OSBPL11: variants seen among roughly 807,000 people sequenced by gnomAD.
OSBPL11 encodes oxysterol binding protein like 11.
A neutral mutation model predicts 84.4 loss-of-function variants in OSBPL11; 33 were observed. The observed-to-expected ratio is 0.39, with a 90% CI of 0.30 to 0.52. The LOEUF is 0.52. OSBPL11 is among the 20% of genes least tolerant of loss of function. The pLI is 0.72. For missense variants in OSBPL11, 736 were observed against 901.1 expected (o/e 0.82, Z 2.35); for synonymous variants, 276 against 310.2 (o/e 0.89, Z 1.16).
chr3:125,550,942 T>C (rs569586122), intron 9 of OSBPL11, among the ~76,000 whole-genome samples: 3 of 152,208 alleles, frequency 2.0e-5, no homozygotes, highest in South Asian at 2.1e-4. Context: ...AAAGGATCAC[T>C]TGAGCCCAGG....
chr3:125,589,832 T>C (rs1308178251), intron 1 of OSBPL11, among the ~76,000 whole-genome samples: 1 of 152,200 alleles, frequency 6.6e-6, no homozygotes, highest in Admixed American at 6.5e-5. Context: ...TACTACACAT[T>C]TGCAGACTTT....
chr3:125,545,835 T>C (rs1935804023), intron 10 of OSBPL11, among the ~76,000 whole-genome samples: 1 of 152,128 alleles, frequency 6.6e-6, no homozygotes, highest in Non-Finnish European at 1.5e-5. Context: ...GAATATAATA[T>C]ATTTATAACA....
intron 9 of OSBPL11, among the ~76,000 whole-genome samples, chr3:125,548,776 G>A (rs1935856820): frequency 6.6e-6 from 1 of 151,930 alleles, no homozygotes; most frequent in Non-Finnish European, 1.5e-5. Flanking sequence ...TCACAAATAA[G>A]GGCAAGTATA....
chr3:125,557,660 G>C (rs1450051015), intron 8 of OSBPL11, among the ~76,000 whole-genome samples: 1 of 151,686 alleles, frequency 6.6e-6, no homozygotes, highest in Non-Finnish European at 1.5e-5. Flanking sequence ...TTATAGGTGT[G>C]AGCCATGGCA....
At chr3:125,547,797 G>T (rs1935841727) in intron 9 of OSBPL11, among the ~76,000 whole-genome samples, 1 of 152,120 alleles carries the variant, frequency 6.6e-6, no homozygotes, top group African/African-American at 2.4e-5. Flanking sequence ...ACTATGACAT[G>T]ACCTTTCCAT....
At chr3:125,593,911 GTTCT>G (rs897621481) in intron 1 of OSBPL11, among the ~76,000 whole-genome samples, 9 of 151,984 alleles carry the variant, frequency 5.9e-5, no homozygotes, top group African/African-American at 1.9e-4. Flanking sequence ...GTTCTGGATA[GTTCT>G]TTCTCCCTAC....
intron 1 of OSBPL11, 39 bp from the exon 2 acceptor site, chr3:125,583,017 G>A (rs1276127520): frequency 4.2e-6 from 6 of 1,437,464 alleles, no homozygotes; most frequent in Non-Finnish European, 5.7e-6. Context: ...GTAAAAATTA[G>A]AAGAAATCCC....
chr3:125,589,164 C>T (rs1158236984), intron 1 of OSBPL11, among the ~76,000 whole-genome samples: 1 of 152,018 alleles, frequency 6.6e-6, no homozygotes, highest in Non-Finnish European at 1.5e-5. Flanking sequence ...GCCTGGCCAA[C>T]ATGGTGGAAC....
intron 2 of OSBPL11, 99 bp downstream of exon 2, chr3:125,582,811 C>T: frequency 1.1e-6 from 1 of 903,976 alleles, no homozygotes; most frequent in Non-Finnish European, 1.7e-6. Flanking sequence ...AAAGGTTTCC[C>T]AGCCATGTCT....
intron 11 of OSBPL11, among the ~76,000 whole-genome samples, chr3:125,538,055 T>C (rs1267420794): frequency 6.6e-6 from 1 of 152,212 alleles, no homozygotes; most frequent in African/African-American, 2.4e-5. Context: ...AATTTTTCAT[T>C]TCCTTGGTTG....
intron 5 of OSBPL11, among the ~76,000 whole-genome samples, chr3:125,567,971 G>A (rs1432649061): frequency 6.8e-6 from 1 of 147,486 alleles, no homozygotes; most frequent in Non-Finnish European, 1.5e-5. Context: ...TGCAGCCTGG[G>A]CAAAAGAGTA....
At chr3:125,559,497 TC>T (rs1273513830) in intron 8 of OSBPL11, among the ~76,000 whole-genome samples, 1 of 152,186 alleles carries the variant, frequency 6.6e-6, no homozygotes, top group East Asian at 1.9e-4. Flanking sequence ...CAAGCGATCC[TC>T]CCACCTCAGC....
intron 3 of OSBPL11, among the ~76,000 whole-genome samples, chr3:125,579,528 C>A (rs1371642377): frequency 6.6e-6 from 1 of 152,004 alleles, no homozygotes; most frequent in Non-Finnish European, 1.5e-5. Context: ...CTGAAAACTG[C>A]AAAAAGGGCA....
intron 5 of OSBPL11, among the ~76,000 whole-genome samples, chr3:125,574,503 T>C (rs573662447): frequency 6.7e-6 from 1 of 150,328 alleles, no homozygotes; most frequent in African/African-American, 2.5e-5. Flanking sequence ...TTTTTTCCTG[T>C]GGACTACTAT....
rs369012842 is a variant in OSBPL11 at position 125,582,896 on chromosome 3, A to T, written c.233+14T>A. 41 of 1,567,922 alleles carry T rather than the reference A, an allele frequency of 2.6e-5. No individual in the cohort carries two copies. The African/African-American group carries it at 5.1e-4, about 19-fold the overall frequency. On this transcript the variant is annotated intron_variant, in intron 2 of 12. Coordinates refer to ENST00000296220, the MANE Select transcript of OSBPL11 (RefSeq NM_022776.5). Reference sequence around the variant, plus strand: ...CTTAGGAGAGACTGATGTGACACAAATAATCACACTTACCTGTACTGCCAC... The same window carrying T: ...CTTAGGAGAGACTGATGTGACACAATTAATCACACTTACCTGTACTGCCAC...
chr3:125,538,735 T>G, intron 10 of OSBPL11, 102 bp from the exon 11 acceptor site: 1 of 1,003,454 alleles, frequency 1.0e-6, no homozygotes, highest in Non-Finnish European at 1.5e-6. Flanking sequence ...CTGTTGAAAT[T>G]AGTTATATAC....
intron 11 of OSBPL11, among the ~76,000 whole-genome samples, chr3:125,535,429 T>C (rs1403368557): frequency 6.7e-6 from 1 of 148,164 alleles, no homozygotes; most frequent in African/African-American, 2.5e-5. Flanking sequence ...CAAATAAAAT[T>C]CAGAAGCATC....
intron 5 of OSBPL11, among the ~76,000 whole-genome samples, chr3:125,574,486 T>TC (rs1460401598): frequency 1.3e-5 from 2 of 151,632 alleles, no homozygotes; most frequent in Non-Finnish European, 2.9e-5. Context: ...AGCAGTTTTT[T>TC]TTTTTTTTTT....
chr3:125,545,605 G>C (rs1332350865), intron 10 of OSBPL11, among the ~76,000 whole-genome samples: 3 of 151,750 alleles, frequency 2.0e-5, no homozygotes, highest in Non-Finnish European at 2.9e-5. Flanking sequence ...AAAGTATATA[G>C]ATATATGTAT....
Sources: allele counts gnomAD v4.1 joint callset (sites outside exome capture counted in the v4.1 genomes callset), GRCh38; gene constraint gnomAD v4.1.1; transcripts MANE v1.5; gene names NCBI Gene and HGNC (gene_info 2026-07-23, HGNC 2026-07-21).